CNTN4: variants seen among roughly 807,000 people sequenced by gnomAD.
CNTN4 encodes the protein contactin-4.
A neutral mutation model predicts 122.5 loss-of-function variants in CNTN4; 77 were observed. The ratio of observed to expected loss-of-function variants is 0.63; its 90% CI spans 0.52 to 0.76. The LOEUF (loss-of-function observed/expected upper bound fraction) is 0.76. Ranked by LOEUF, CNTN4 falls within the 30% of genes least tolerant of loss-of-function variation. CNTN4 has a pLI of 0.00. For synonymous variants in CNTN4, 512 were observed against 447.0 expected, an observed-to-expected ratio of 1.15 and a Z score of -1.83; for missense variants, 1,256 against 1,259.1, an observed-to-expected ratio of 1.00 and a Z score of 0.04.
intron 11 of CNTN4, among the ~76,000 whole-genome samples, chr3:2,901,962 G>A (rs560858349): frequency 7.2e-5 from 11 of 152,262 alleles, no homozygotes; most frequent in African/African-American, 2.6e-4. Flanking sequence ...TGAGACCAAT[G>A]TAAGTTTCAA....
At chr3:3,005,042 T>A (rs1355098963) in intron 14 of CNTN4, among the ~76,000 whole-genome samples, 1 of 152,234 alleles carries the variant, frequency 6.6e-6, no homozygotes, top group Admixed American at 6.5e-5. Context: ...TAAGCACACA[T>A]TCACTGCCAA....
intron 2 of CNTN4, among the ~76,000 whole-genome samples, chr3:2,287,886 A>G (rs969251575): frequency 3.3e-5 from 5 of 152,312 alleles, no homozygotes; most frequent in African/African-American, 1.2e-4. Flanking sequence ...CTTGTATTAC[A>G]TTGCAAGAAT....
At chr3:2,643,840 C>T (rs941824944) in intron 4 of CNTN4, among the ~76,000 whole-genome samples, 3 of 152,094 alleles carry the variant, frequency 2.0e-5, no homozygotes, top group African/African-American at 7.2e-5. Flanking sequence ...GTCACAGGCA[C>T]CCTATATAAA....
rs147438048 is a variant in CNTN4 at position 2,578,674 on chromosome 3, C to T, written c.55+7116C>T. Among the ~76,000 whole-genome samples, 907 of 152,160 alleles carry T rather than the reference C, an allele frequency of 6.0e-3. 5 individuals carry two copies. Among genetic ancestry groups the T allele is most frequent in the Admixed American group, 9.4e-3 (143 of 15,274 alleles). ...CATTTAGTTACTGCAAAGCATAGTC[C>T]TGTATTTTATTGTTTCTCTTTGTAA... On this transcript the variant is annotated intron_variant, in intron 4 of 24. Transcript: ENST00000418658.
chr3:2,221,339 TTAGCTGATGTA>T, intron 2 of CNTN4, among the ~76,000 whole-genome samples: 1 of 152,186 alleles, frequency 6.6e-6, no homozygotes, highest in Middle Eastern at 3.4e-3. Context: ...TTTCTGTCTT[TTAGCTGATGTA>T]TAGCTCAAAA....
In CNTN4 at chr3:2,498,704, A is replaced by C. The variant is rs145298981; in HGVS notation, c.-88-72712A>C. Among the ~76,000 whole-genome samples the C allele has an allele frequency of 6.7e-4, 101 of 151,720 alleles. 1 individual carries two copies. The East Asian group carries it at 0.017, about 25-fold the overall frequency. On this transcript the variant is annotated intron_variant, in intron 3 of 24. Coordinates refer to ENST00000418658, the MANE Select transcript of CNTN4 (RefSeq NM_175607.3). ...ACCATGTTTCTCAGGCTGATACTGA[A>C]CTCTTGGACTCAAGAGATCCACCTG...
At chr3:2,754,101 C>G (rs965499765) in intron 6 of CNTN4, among the ~76,000 whole-genome samples, 1 of 152,092 alleles carries the variant, frequency 6.6e-6, no homozygotes, top group Non-Finnish European at 1.5e-5. Flanking sequence ...CTTCTTACTC[C>G]CATATCATTT....
At position 2,900,868 on chromosome 3, in the gene CNTN4, T is replaced by C. The variant is rs137919289; in HGVS notation, c.1077+47T>C. The C allele has an allele frequency of 5.9e-5, 94 of 1,605,600 alleles. No homozygotes were observed. In the East Asian group the frequency reaches 2.0e-3, roughly 34 times the overall value. Reference sequence around the variant, plus strand: ...GTGCCTTAGTCTTGACTATAACGTTTAATATAGCCTCATTGCCGTGGAAAC... The same window carrying C: ...GTGCCTTAGTCTTGACTATAACGTTCAATATAGCCTCATTGCCGTGGAAAC... On this transcript the variant is annotated intron_variant, in intron 11 of 24. Transcript: ENST00000418658.
At chr3:2,647,454 G>C (rs553442907) in intron 4 of CNTN4, among the ~76,000 whole-genome samples, 5 of 152,060 alleles carry the variant, frequency 3.3e-5, no homozygotes, top group African/African-American at 9.6e-5. Flanking sequence ...CAAGGTCTTG[G>C]CCCATTTTCT....
chr3:2,381,140 G>C (rs1285022503), intron 3 of CNTN4, among the ~76,000 whole-genome samples: 3 of 151,794 alleles, frequency 2.0e-5, no homozygotes, highest in Admixed American at 6.6e-5. Flanking sequence ...TGAGTAGCTG[G>C]GACTACAGGC....
At chr3:2,800,141 G>T (rs1379065543) in intron 6 of CNTN4, among the ~76,000 whole-genome samples, 2 of 146,542 alleles carry the variant, frequency 1.4e-5, no homozygotes, top group South Asian at 2.1e-4. Context: ...TGCTTTATTG[G>T]TTCCACATTA....
At chr3:2,195,386 G>C (rs182311258) in intron 2 of CNTN4, among the ~76,000 whole-genome samples, 1 of 152,258 alleles carries the variant, frequency 6.6e-6, no homozygotes, top group Non-Finnish European at 1.5e-5. Context: ...ATGAACACGG[G>C]AGTGAAGATG....
intron 3 of CNTN4, among the ~76,000 whole-genome samples, chr3:2,359,398 T>C (rs2045019675): frequency 6.6e-6 from 1 of 152,230 alleles, no homozygotes; most frequent in East Asian, 1.9e-4. Context: ...GTATCTGTTA[T>C]AAACAATTGT....
At chr3:2,478,424 T>C (rs988254149) in intron 3 of CNTN4, among the ~76,000 whole-genome samples, 3 of 151,660 alleles carry the variant, frequency 2.0e-5, no homozygotes, top group Non-Finnish European at 4.4e-5. Flanking sequence ...TTTTTTTATT[T>C]CCAACTTTTA....
intron 3 of CNTN4, among the ~76,000 whole-genome samples, chr3:2,545,245 G>C (rs1336147914): frequency 6.6e-6 from 1 of 151,856 alleles, no homozygotes; most frequent in African/African-American, 2.4e-5. Context: ...ACAATTTTGA[G>C]TTTTTTGCAT....
chr3:2,435,646 T>C (rs1310101614), intron 3 of CNTN4, among the ~76,000 whole-genome samples: 1 of 152,144 alleles, frequency 6.6e-6, no homozygotes, highest in Non-Finnish European at 1.5e-5. Context: ...TCCCAAAAAA[T>C]GCTAATGCTG....
At chr3:2,452,340 T>C (rs951956140) in intron 3 of CNTN4, among the ~76,000 whole-genome samples, 1 of 152,192 alleles carries the variant, frequency 6.6e-6, no homozygotes, top group Non-Finnish European at 1.5e-5. Flanking sequence ...TGTTAGTTGC[T>C]TTGTGCATGC....
chr3:2,737,390 C>G (rs1196799269), intron 5 of CNTN4, among the ~76,000 whole-genome samples: 1 of 152,112 alleles, frequency 6.6e-6, no homozygotes, highest in East Asian at 1.9e-4. Flanking sequence ...CCGTAAAGAG[C>G]TTTTAGACAG....
chr3:2,758,651 C>T (rs902426364), intron 6 of CNTN4, among the ~76,000 whole-genome samples: 1 of 151,274 alleles, frequency 6.6e-6, no homozygotes, highest in African/African-American at 2.4e-5. Context: ...GGATTACAGG[C>T]GCACATCACC....
Sources: gnomAD v4.1 joint callset for allele counts (sites outside exome capture counted in the v4.1 genomes callset) on GRCh38, gnomAD v4.1.1 for gene constraint, MANE v1.5 for transcripts, NCBI Gene and HGNC (gene_info 2026-07-23, HGNC 2026-07-21) for gene names.